The following NOPCHAP1 variants were observed in gnomAD, a reference collection of about 807,000 sequenced individuals.
NOPCHAP1 encodes DNA damage-sensitive RNA 1.
In NOPCHAP1, 13 loss-of-function variants were observed where a neutral mutation model predicts 14.0. The observed-to-expected ratio is 0.93, with a 90% CI of 0.60 to 1.47. The LOEUF is 1.47. NOPCHAP1 is among the 40% of genes most tolerant of loss of function. The probability of loss-of-function intolerance (pLI) is 0.00; values close to 1 mark genes in which losing one functional copy is unlikely to be tolerated. For synonymous variants in NOPCHAP1, 78 were observed against 78.4 expected, an observed-to-expected ratio of 1.00 and a Z score of 0.03; for missense variants, 230 against 226.9, an observed-to-expected ratio of 1.01 and a Z score of -0.09.
rs1417280070 is a variant in NOPCHAP1 at position 105,012,114 on chromosome 12, C to T, written c.*17418C>T. Reference sequence around the variant, plus strand: ...CAACTTGGTTCCATTCTCCCTGTCACTTTCAGGTACACCAATCAAACGTAG... The same window carrying T: ...CAACTTGGTTCCATTCTCCCTGTCATTTTCAGGTACACCAATCAAACGTAG... On this transcript the variant is annotated 3_prime_UTR_variant, in exon 4 of 4. Coordinates refer to ENST00000552951, the MANE Select transcript of NOPCHAP1 (RefSeq NM_152318.3). The T allele has an allele frequency of 6.6e-6, 1 of 152,202 alleles. No homozygotes were observed. Among genetic ancestry groups the T allele is most frequent in the Non-Finnish European group, 1.5e-5 (1 of 68,052 alleles). 9.4% of individuals were successfully genotyped at this position (152,202 alleles called of 1,614,324 possible).
Position 104,988,169 on chromosome 12 carries a change from A to G in NOPCHAP1, c.118A>G (p.Ile40Val), listed in dbSNP as rs553044327. The G allele has an allele frequency of 6.2e-7, 1 of 1,608,084 alleles. No homozygotes were observed. The highest frequency in any genetic ancestry group is 1.1e-5 in the South Asian group (1 of 90,540). ...LTAGSDGRGG[I>V]WDRLLINSQP... ...TGTTTGTGTGTCTGTATTTTCAGGT[A>G]TATGGGACAGGTTGCTCATCAACTC... is the stretch of plus-strand genomic sequence containing the variant. The change falls in exon 2 of 4, where the codon ATA becomes GTA. Residue 40 changes from isoleucine (I) to valine (V), a missense_variant and splice_region_variant. Coordinates refer to ENST00000552951, the MANE Select transcript of NOPCHAP1 (RefSeq NM_152318.3).
At position 105,011,243 on chromosome 12, in the gene NOPCHAP1, T is replaced by A. The variant is rs1375729900; in HGVS notation, c.*16547T>A. The A allele has an allele frequency of 6.6e-6, 1 of 152,246 alleles. No individual in the cohort carries two copies. The highest frequency in any genetic ancestry group is 1.9e-4 in the East Asian group (1 of 5,204). The allele number at this position is 152,246 out of a possible 1,614,324, so 9.4% of individuals were successfully genotyped here. ...TACCATTATGTAATGCCCTTCTTTG[T>A]CTTTTTTGATCTTTGTTGGTTTAAA... On this transcript the variant is annotated 3_prime_UTR_variant, in exon 4 of 4. Coordinates refer to ENST00000552951, the MANE Select transcript of NOPCHAP1 (RefSeq NM_152318.3).
At position 104,991,728 on chromosome 12, in the gene NOPCHAP1, G is replaced by A. The variant is rs1873379850; in HGVS notation, c.219G>A (p.Gln73=). 5.0e-6 allele frequency: 8 copies of A among 1,613,022 alleles called. No individual in the cohort carries two copies. The East Asian group carries it at 1.6e-4, about 31-fold the overall frequency. Residue 73 remains glutamine, a synonymous_variant, in exon 3 of 4, where the codon CAG becomes CAA. Transcript: ENST00000552951. ...IERSPLLDQV[Q]TFLPQMARAN... Reference sequence around the variant, plus strand: ...TTTCCACAGTATTGGACCAGGTACAGACATTTCTCCCACAGATGGCACGGG... The same window carrying A: ...TTTCCACAGTATTGGACCAGGTACAAACATTTCTCCCACAGATGGCACGGG...
Position 104,988,250 on chromosome 12 carries a change from C to A in NOPCHAP1, c.199C>A (p.Pro67Thr). The A allele has an allele frequency of 6.2e-7, 1 of 1,606,142 alleles. No individual in the cohort carries two copies. Residue 67 changes from proline to threonine, a missense_variant, in exon 2 of 4, where the codon CCC (proline) becomes ACC (threonine). Transcript: ENST00000552951. ...TLQTVRIERS[P>T]LLDQVQTFLP... ...TCAAACAGTTCGGATAGAGAGGAGTCCCTGTAAGTACCTCTTCCCCTCTCT... is the reference window on the plus strand; with the variant it reads ...TCAAACAGTTCGGATAGAGAGGAGTACCTGTAAGTACCTCTTCCCCTCTCT...
intron 1 of NOPCHAP1, 79 bp downstream of exon 1, chr12:104,986,546 G>A (rs1242672321): frequency 8.2e-7 from 1 of 1,217,776 alleles, no homozygotes; most frequent in Non-Finnish European, 1.1e-6. Context: ...GGAGCCGGCC[G>A]GTGGCTCCCT....
Position 104,996,165 on chromosome 12 carries a change from G to A in NOPCHAP1, c.*1469G>A, listed in dbSNP as rs1241328976. Reference sequence around the variant, plus strand: ...ATCCTAACCAGTGGGGAGCAAAATGGAGTAAGCATATTTTCTGTAGACCAA... The same window carrying A: ...ATCCTAACCAGTGGGGAGCAAAATGAAGTAAGCATATTTTCTGTAGACCAA... On this transcript the variant is annotated 3_prime_UTR_variant, in exon 4 of 4. Transcript: ENST00000552951. 1 of 152,068 alleles carries A rather than the reference G, an allele frequency of 6.6e-6. No individual in the cohort carries two copies. 9.4% of individuals were successfully genotyped at this position (152,068 alleles called of 1,614,324 possible).
At position 105,008,874 on chromosome 12, in the gene NOPCHAP1, T is replaced by G. The variant is rs1293515983; in HGVS notation, c.*14178T>G. On this transcript the variant is annotated 3_prime_UTR_variant, in exon 4 of 4. Transcript: ENST00000552951. ...TTTTGGTGCCAGTACTGTGCTGTTT[T>G]GGTTACTATAGCCTTGTAGTATAGT... 1 of 152,228 alleles carries G rather than the reference T, an allele frequency of 6.6e-6. No homozygotes were observed. The highest frequency in any genetic ancestry group is 1.9e-4 in the East Asian group (1 of 5,206). The allele number at this position is 152,228 out of a possible 1,614,324, so 9.4% of individuals were successfully genotyped here. A position where few individuals can be genotyped will look rare whatever the true frequency, so the allele number is the denominator to read the frequency against.
chr12:104,987,462 A>ACATAACCTAAAC (rs1873265871), intron 1 of NOPCHAP1, among the ~76,000 whole-genome samples: 1 of 152,208 alleles, frequency 6.6e-6, no homozygotes, highest in South Asian at 2.1e-4. Flanking sequence ...GGCCTTAAGT[A>ACATAACCTAAAC]GTAGGCATTC....
At position 105,010,592 on chromosome 12, in the gene NOPCHAP1, C is replaced by T. The variant is rs185372969; in HGVS notation, c.*15896C>T. 5.6e-4 allele frequency: 85 copies of T among 152,164 alleles called. No individual in the cohort carries two copies. Among genetic ancestry groups the T allele is most frequent in the African/African-American group, 1.7e-3 (72 of 41,538 alleles). The allele number at this position is 152,164 out of a possible 1,614,324, so 9.4% of individuals were successfully genotyped here. ...TAGAGTATCGATTTTAGATCTTTCC[C>T]GCTTTCTCCTGTGGGCATTTAGTGC... On this transcript the variant is annotated 3_prime_UTR_variant, in exon 4 of 4. Transcript: ENST00000552951.
rs1290367435 is a variant in NOPCHAP1 at position 105,013,119 on chromosome 12, T to C, written c.*18423T>C. 2.6e-5 allele frequency: 4 copies of C among 152,284 alleles called. No individual in the cohort carries two copies. Among genetic ancestry groups the C allele is most frequent in the African/African-American group, 9.6e-5 (4 of 41,472 alleles). 9.4% of individuals were successfully genotyped at this position (152,284 alleles called of 1,614,324 possible). A position where few individuals can be genotyped will look rare whatever the true frequency, so the allele number is the denominator to read the frequency against. ...CCCCAGGTGTTCTGTCCCAGGGAGA[T>C]AGGACTTTTATCTATAATCCCCTTG... On this transcript the variant is annotated 3_prime_UTR_variant, in exon 4 of 4. Transcript: ENST00000552951.
At position 105,009,586 on chromosome 12, in the gene NOPCHAP1, T is replaced by C. The variant is rs947135809; in HGVS notation, c.*14890T>C. 6.6e-6 allele frequency: 1 copy of C among 152,220 alleles called. No individual in the cohort carries two copies. The highest frequency in any genetic ancestry group is 6.5e-5 in the Admixed American group (1 of 15,274). The allele number at this position is 152,220 out of a possible 1,614,324, so 9.4% of individuals were successfully genotyped here. On this transcript the variant is annotated 3_prime_UTR_variant, in exon 4 of 4. Coordinates refer to ENST00000552951, the MANE Select transcript of NOPCHAP1 (RefSeq NM_152318.3). ...TCCAGCTTTTGCCCGTTCAGTATGATATTGGCTGTGGGTTTGTCATAAAAA... is the reference window on the plus strand; with the variant it reads ...TCCAGCTTTTGCCCGTTCAGTATGACATTGGCTGTGGGTTTGTCATAAAAA...
In NOPCHAP1 at chr12:104,999,718, A is replaced by G. The variant is rs12369490; in HGVS notation, c.*5022A>G. ...AAGCAGCTCTCCCTGCAAGCTCAAG[A>G]GTCCATGGGGGTCCTGGGGTCTCCT... On this transcript the variant is annotated 3_prime_UTR_variant, in exon 4 of 4. Coordinates refer to ENST00000552951, the MANE Select transcript of NOPCHAP1 (RefSeq NM_152318.3). The G allele has an allele frequency of 0.098, 14,923 of 152,498 alleles. 834 individuals carry two copies. The highest frequency in any genetic ancestry group is 0.14 in the African/African-American group (5,817 of 41,498). The allele number at this position is 152,498 out of a possible 1,614,324, so 9.4% of individuals were successfully genotyped here. A position where few individuals can be genotyped will look rare whatever the true frequency, so the allele number is the denominator to read the frequency against.
intron 1 of NOPCHAP1, among the ~76,000 whole-genome samples, chr12:104,987,604 C>T (rs1053341914): frequency 1.3e-5 from 2 of 152,220 alleles, no homozygotes; most frequent in Non-Finnish European, 2.9e-5. Flanking sequence ...CCTCTTGGAA[C>T]TCTGATGGGA....
Position 104,988,200 on chromosome 12 carries a change from C to G in NOPCHAP1, c.149C>G (p.Pro50Arg), listed in dbSNP as rs752012117. Reference sequence around the variant, plus strand: ...GACAGGTTGCTCATCAACTCCCAACCTAAGTCCAGAAAGACCTCCACTCTT... The same window carrying G: ...GACAGGTTGCTCATCAACTCCCAACGTAAGTCCAGAAAGACCTCCACTCTT... ...IWDRLLINSQ[P>R]KSRKTSTLQT... Residue 50 changes from proline (P) to arginine (R), a missense_variant, in exon 2 of 4, where the codon CCT (proline) becomes CGT (arginine). Physicochemically the swap from Pro to Arg is moderately radical, Grantham distance 103 (BLOSUM62 -2). Coordinates refer to ENST00000552951, the MANE Select transcript of NOPCHAP1 (RefSeq NM_152318.3). 4.3e-6 allele frequency: 7 copies of G among 1,613,168 alleles called. No individual in the cohort carries two copies.
chr12:105,014,162 A>G lies in NOPCHAP1; in HGVS notation c.*19466A>G, dbSNP rs1399533253. 6.6e-6 allele frequency: 1 copy of G among 152,202 alleles called. No homozygotes were observed. The allele number at this position is 152,202 out of a possible 1,614,324, so 9.4% of individuals were successfully genotyped here. ...CTAGAGTTAATTTTATGCAGTTATG[A>G]TTTAATACTGTGTCTTTGCATTTGT... is the stretch of plus-strand genomic sequence containing the variant. On this transcript the variant is annotated 3_prime_UTR_variant, in exon 4 of 4. Coordinates refer to ENST00000552951, the MANE Select transcript of NOPCHAP1 (RefSeq NM_152318.3).
At chr12:104,991,130 C>T (rs1873365113) in intron 2 of NOPCHAP1, among the ~76,000 whole-genome samples, 1 of 152,108 alleles carries the variant, frequency 6.6e-6, no homozygotes, top group Non-Finnish European at 1.5e-5. Context: ...TATTATTGGC[C>T]CGACTAGAGC....
Position 105,006,286 on chromosome 12 carries a change from T to A in NOPCHAP1, c.*11590T>A, listed in dbSNP as rs2136031552. On this transcript the variant is annotated 3_prime_UTR_variant, in exon 4 of 4. Transcript: ENST00000552951. The stretch of plus-strand genomic sequence containing the variant: ...CATTCTAGAATTTCATGATGTTCTA[T>A]CAGTGTTCTCTTGCATAGCTTTGAA... 2 of 152,314 alleles carry A rather than the reference T, an allele frequency of 1.3e-5. No individual in the cohort carries two copies. The highest frequency in any genetic ancestry group is 4.1e-4 in the South Asian group (2 of 4,826). 9.4% of individuals were successfully genotyped at this position (152,314 alleles called of 1,614,324 possible).
chr12:104,986,730 G>A (rs1169106497), intron 1 of NOPCHAP1, among the ~76,000 whole-genome samples: 4 of 152,180 alleles, frequency 2.6e-5, no homozygotes, highest in African/African-American at 9.6e-5. Flanking sequence ...ACCCTGCCAG[G>A]CGCCGCTGCC....
rs1057072361 is a variant in NOPCHAP1 at position 105,015,862 on chromosome 12, C to T, written c.*21166C>T. On this transcript the variant is annotated 3_prime_UTR_variant, in exon 4 of 4. Transcript: ENST00000552951. ...CAGCTATTTCAAACAAGATTAGATT[C>T]TCTAGCCTCATATCATATGCAAAGA... 4 of 152,076 alleles carry T rather than the reference C, an allele frequency of 2.6e-5. No individual in the cohort carries two copies. Among genetic ancestry groups the T allele is most frequent in the Non-Finnish European group, 4.4e-5 (3 of 68,028 alleles). The allele number at this position is 152,076 out of a possible 1,614,324, so 9.4% of individuals were successfully genotyped here.
Sources: allele counts gnomAD v4.1 joint callset (sites outside exome capture counted in the v4.1 genomes callset), GRCh38; gene constraint gnomAD v4.1.1; transcripts MANE v1.5; gene names NCBI Gene and HGNC (gene_info 2026-07-23, HGNC 2026-07-21).